The following B3GALT5 variants were observed in gnomAD, a reference collection of about 807,000 sequenced individuals.
B3GALT5 encodes UDP-Gal:betaGlcNAc beta 1,3-galactosyltransferase, polypeptide 5.
For missense variants in B3GALT5, 328 were observed against 396.6 expected (o/e 0.83, Z 1.47); for synonymous variants, 156 against 158.6 (o/e 0.98, Z 0.12).
chr21:39,615,865 T>C (rs532991211), intron 1 of B3GALT5, among the ~76,000 whole-genome samples: 1 of 152,362 alleles, frequency 6.6e-6, no homozygotes, highest in East Asian at 1.9e-4. Flanking sequence ...TGCCAAGCAC[T>C]TTACCATGCT....
At chr21:39,643,051 C>CA (rs34633544) in intron 1 of B3GALT5, among the ~76,000 whole-genome samples, 40,505 of 142,330 alleles carry the variant, frequency 0.28, 5,553 homozygotes, top group South Asian at 0.4. Flanking sequence ...GAACTTGTCT[C>CA]AAAAAAAAAA....
Position 39,669,921 on chromosome 21 carries a change from C to CT in B3GALT5, c.*8439dup, listed in dbSNP as rs529640760. ...TGACCCCTTTTCCTGTCTTCTGTCA[C>CT]TTTTTTTTTTCCAAGTGTTGATATG... On this transcript the variant is annotated 3_prime_UTR_variant, in exon 4 of 4. Coordinates refer to ENST00000684187, the MANE Select transcript of B3GALT5 (RefSeq NM_001356336.2). The CT allele has an allele frequency of 1.7e-4, 25 of 150,722 alleles. No homozygotes were observed. Among genetic ancestry groups the CT allele is most frequent in the East Asian group, 3.9e-4 (2 of 5,132 alleles). 9.3% of individuals were successfully genotyped at this position (150,722 alleles called of 1,614,324 possible). A position where few individuals can be genotyped will look rare whatever the true frequency, so the allele number is the denominator to read the frequency against.
At chr21:39,644,470 C>G (rs908075930) in intron 1 of B3GALT5, among the ~76,000 whole-genome samples, 2 of 152,144 alleles carry the variant, frequency 1.3e-5, no homozygotes, top group Admixed American at 1.3e-4. Context: ...TTCACTCTTC[C>G]CTTTGGCTTA....
rs1187060247 is a variant in B3GALT5, at chr21:39,667,523, T to C, written c.*6031T>C. On this transcript the variant is annotated 3_prime_UTR_variant, in exon 4 of 4. Coordinates refer to ENST00000684187, the MANE Select transcript of B3GALT5 (RefSeq NM_001356336.2). ...AACAAGGAAGCATTGTGTGTGTGTG[T>C]GCACACCCCAAGGTTGTGCAGCTAG... 1 of 152,252 alleles carries C rather than the reference T, an allele frequency of 6.6e-6. No homozygotes were observed. Among genetic ancestry groups the C allele is most frequent in the Non-Finnish European group, 1.5e-5 (1 of 68,056 alleles). 9.4% of individuals were successfully genotyped at this position (152,252 alleles called of 1,614,324 possible).
chr21:39,646,470 A>C lies in B3GALT5; in HGVS notation c.-313A>C, dbSNP rs938071526. ...ATGTATCCAAGTCACAAAGAAACATAATTTGGCTTTTGGAGACATGAGCAG... is the reference window on the plus strand; with the variant it reads ...ATGTATCCAAGTCACAAAGAAACATCATTTGGCTTTTGGAGACATGAGCAG... On this transcript the variant is annotated 5_prime_UTR_variant, in exon 2 of 4. The change abolishes the stop of an existing upstream ORF in the 5' untranslated region. Coordinates refer to ENST00000684187, the MANE Select transcript of B3GALT5 (RefSeq NM_001356336.2). 3.9e-5 allele frequency: 6 copies of C among 152,210 alleles called. No individual in the cohort carries two copies. The highest frequency in any genetic ancestry group is 1.4e-4 in the African/African-American group (6 of 41,448). The allele number at this position is 152,210 out of a possible 1,614,324, so 9.4% of individuals were successfully genotyped here.
intron 1 of B3GALT5, among the ~76,000 whole-genome samples, chr21:39,643,173 T>C (rs1798979372): frequency 1.3e-5 from 2 of 152,184 alleles, no homozygotes; most frequent in African/African-American, 4.8e-5. Context: ...AATGGGGCCA[T>C]TGGCGAGGGC....
At chr21:39,613,218 T>A (rs1272470274) in intron 1 of B3GALT5, among the ~76,000 whole-genome samples, 151 bp downstream of exon 1, 3 of 151,884 alleles carry the variant, frequency 2.0e-5, no homozygotes, top group Non-Finnish European at 4.4e-5. Flanking sequence ...TCTCCTTCGT[T>A]CCTTTTAAAT....
chr21:39,629,674 A>C (rs2079181919), intron 1 of B3GALT5, among the ~76,000 whole-genome samples: 1 of 152,162 alleles, frequency 6.6e-6, no homozygotes, highest in African/African-American at 2.4e-5. Context: ...AATCATATCT[A>C]GTGTTCTTAT....
chr21:39,621,859 G>A (rs976863626), intron 1 of B3GALT5, among the ~76,000 whole-genome samples: 2 of 151,922 alleles, frequency 1.3e-5, no homozygotes, highest in African/African-American at 4.8e-5. Flanking sequence ...AACAGTTTTT[G>A]AGTATGTAGA....
At chr21:39,625,101 G>A (rs1181714640) in intron 1 of B3GALT5, among the ~76,000 whole-genome samples, 1 of 152,154 alleles carries the variant, frequency 6.6e-6, no homozygotes, top group South Asian at 2.1e-4. Flanking sequence ...TCCTGTTTTG[G>A]TGACTTTTCA....
chr21:39,639,347 T>TTTCTTTCTTTCTTTCCTTCC (rs762994044), intron 1 of B3GALT5, among the ~76,000 whole-genome samples: 2 of 66,768 alleles, frequency 3.0e-5, no homozygotes, highest in Admixed American at 1.8e-4. Context: ...TCTTTCTTTC[T>TTTCTTTCTTTCTTTCCTTCC]TTCCTTCCTT....
At chr21:39,639,316 T>C (rs905564697) in intron 1 of B3GALT5, among the ~76,000 whole-genome samples, 1 of 103,434 alleles carries the variant, frequency 9.7e-6, no homozygotes, top group African/African-American at 3.9e-5. Flanking sequence ...CTTTCTTTCT[T>C]TCTTTCTTTC....
chr21:39,663,439 T>A lies in B3GALT5; in HGVS notation c.*1947T>A, dbSNP rs2079547885. On this transcript the variant is annotated 3_prime_UTR_variant, in exon 4 of 4. Transcript: ENST00000684187. Reference sequence around the variant, plus strand: ...AGGATTTTCTTTGAGACCCATTGTTTCCCCTCCCCTCCCCTCCCCTCCCAT... The same window carrying A: ...AGGATTTTCTTTGAGACCCATTGTTACCCCTCCCCTCCCCTCCCCTCCCAT... The A allele has an allele frequency of 1.3e-5, 2 of 148,888 alleles. No homozygotes were observed. Among genetic ancestry groups the A allele is most frequent in the South Asian group, 4.2e-4 (2 of 4,768 alleles). The allele number at this position is 148,888 out of a possible 1,614,324, so 9.2% of individuals were successfully genotyped here. A position where few individuals can be genotyped will look rare whatever the true frequency, so the allele number is the denominator to read the frequency against.
chr21:39,625,506 A>G (rs767128936), intron 1 of B3GALT5, among the ~76,000 whole-genome samples: 16 of 152,152 alleles, frequency 1.1e-4, no homozygotes, highest in African/African-American at 2.2e-4. Flanking sequence ...CCCGCTCCCA[A>G]CTATGTGCAG....
Position 39,631,386 on chromosome 21 carries a change from T to C in B3GALT5, c.-391-15006T>C, listed in dbSNP as rs114451968. 3.5e-3 allele frequency among the ~76,000 whole-genome samples: 540 copies of C among 152,324 alleles called. 5 individuals are homozygous for C. Among genetic ancestry groups the C allele is most frequent in the African/African-American group, 0.012 (507 of 41,556 alleles). On this transcript the variant is annotated intron_variant, in intron 1 of 3. Coordinates refer to ENST00000684187, the MANE Select transcript of B3GALT5 (RefSeq NM_001356336.2). ...GCCTTCATCGTTACTTGGTGTTCTCTGTGTGTGCCTGTCTGTGTCCAAATT... is the reference window on the plus strand; with the variant it reads ...GCCTTCATCGTTACTTGGTGTTCTCCGTGTGTGCCTGTCTGTGTCCAAATT...
Position 39,663,762 on chromosome 21 carries a change from A to T in B3GALT5, c.*2270A>T, listed in dbSNP as rs1441428233. 1.3e-5 allele frequency: 2 copies of T among 152,272 alleles called. No individual in the cohort carries two copies. Among genetic ancestry groups the T allele is most frequent in the Non-Finnish European group, 2.9e-5 (2 of 68,064 alleles). The allele number at this position is 152,272 out of a possible 1,614,324, so 9.4% of individuals were successfully genotyped here. A position where few individuals can be genotyped will look rare whatever the true frequency, so the allele number is the denominator to read the frequency against. On this transcript the variant is annotated 3_prime_UTR_variant, in exon 4 of 4. Coordinates refer to ENST00000684187, the MANE Select transcript of B3GALT5 (RefSeq NM_001356336.2). ...TGCAAACGAGGCTCAGAGAGACGTA[A>T]CAACTTGCCCAGGACCTTCCCAGCT...
chr21:39,639,347 TTTCCTTCCTTCCTTCC>T (rs71184690), intron 1 of B3GALT5, among the ~76,000 whole-genome samples: 8 of 66,788 alleles, frequency 1.2e-4, no homozygotes, highest in African/African-American at 4.3e-4. Context: ...TCTTTCTTTC[TTTCCTTCCTTCCTTCC>T]TTCCTTCCTT....
At chr21:39,641,908 C>T (rs2079293512) in intron 1 of B3GALT5, among the ~76,000 whole-genome samples, 1 of 152,164 alleles carries the variant, frequency 6.6e-6, no homozygotes, top group Non-Finnish European at 1.5e-5. Flanking sequence ...AAACGCTATG[C>T]TTTGATAGCC....
chr21:39,614,565 C>T (rs995164002), intron 1 of B3GALT5, among the ~76,000 whole-genome samples: 2 of 152,182 alleles, frequency 1.3e-5, no homozygotes, highest in African/African-American at 4.8e-5. Flanking sequence ...CAAGGGCCAC[C>T]TTTAATAGTT....
Sources: gnomAD v4.1 joint callset for allele counts (sites outside exome capture counted in the v4.1 genomes callset) on GRCh38, gnomAD v4.1.1 for gene constraint, MANE v1.5 for transcripts, NCBI Gene and HGNC (gene_info 2026-07-23, HGNC 2026-07-21) for gene names.